Variants in FILIP1L observed in about 807,000 individuals in gnomAD.
The protein encoded by FILIP1L is filamin A interacting protein 1 like.
In FILIP1L, 55 loss-of-function variants were observed where a neutral mutation model predicts 96.6. The observed-to-expected ratio is 0.57, with a 90% CI of 0.46 to 0.71. FILIP1L has a LOEUF of 0.71. Ranked by LOEUF, FILIP1L falls within the 30% of genes least tolerant of loss-of-function variation. The probability of loss-of-function intolerance (pLI) is 0.00; values close to 1 mark genes in which losing one functional copy is unlikely to be tolerated. For synonymous variants in FILIP1L, 467 were observed against 473.9 expected, an observed-to-expected ratio of 0.99 and a Z score of 0.19; for missense variants, 1,304 against 1,321.2, an observed-to-expected ratio of 0.99 and a Z score of 0.20.
At chr3:99,974,566 G>T (rs13074023) in intron 1 of FILIP1L, among the ~76,000 whole-genome samples, 2 of 152,172 alleles carry the variant, frequency 1.3e-5, no homozygotes, top group African/African-American at 4.8e-5. Flanking sequence ...AAAATTAGCC[G>T]GGTGGTGGTG....
At chr3:100,031,368 AC>A (rs976767056) in intron 1 of FILIP1L, among the ~76,000 whole-genome samples, 38 of 152,056 alleles carry the variant, frequency 2.5e-4, no homozygotes, top group African/African-American at 9.2e-4. Context: ...AGTTCCTGTT[AC>A]CCTCGTTTCC....
chr3:99,896,117 A>C (rs1180160568), intron 4 of FILIP1L, among the ~76,000 whole-genome samples: 3 of 152,292 alleles, frequency 2.0e-5, no homozygotes, highest in East Asian at 3.9e-4. Context: ...AAAAAAAGGA[A>C]GTTAAGGGAA....
chr3:100,014,233 A>G (rs772374845), intron 1 of FILIP1L, among the ~76,000 whole-genome samples: 4 of 151,492 alleles, frequency 2.6e-5, no homozygotes, highest in Non-Finnish European at 4.4e-5. Flanking sequence ...TTCTTTATCC[A>G]TTCATCTGTC....
chr3:99,885,966 C>T (rs565958243), intron 4 of FILIP1L, among the ~76,000 whole-genome samples: 155 of 152,320 alleles, frequency 1.0e-3, no homozygotes, highest in Admixed American at 2.2e-3. Flanking sequence ...ACTCTTTGTG[C>T]ATGAGGATAT....
At chr3:99,835,992 T>C (rs1942881041) in intron 5 of FILIP1L, among the ~76,000 whole-genome samples, 1 of 152,016 alleles carries the variant, frequency 6.6e-6, no homozygotes, top group African/African-American at 2.4e-5. Flanking sequence ...GGTGAAGATG[T>C]GAGGGTATGT....
intron 1 of FILIP1L, among the ~76,000 whole-genome samples, chr3:100,014,419 C>T (rs1276851028): frequency 5.3e-5 from 8 of 151,918 alleles, no homozygotes; most frequent in Non-Finnish European, 1.2e-4. Context: ...AACCTGCAGA[C>T]TTATTTTCTG....
chr3:99,872,268 A>ACT (rs1199988502), intron 4 of FILIP1L, among the ~76,000 whole-genome samples: 1 of 50,300 alleles, frequency 2.0e-5, no homozygotes, highest in East Asian at 8.0e-4. Flanking sequence ...CTGTGCCAGG[A>ACT]CTGTGTGTGT....
intron 1 of FILIP1L, among the ~76,000 whole-genome samples, chr3:100,021,956 TGTGTGAGAGA>T (rs1412993793): frequency 4.1e-4 from 39 of 94,610 alleles, no homozygotes; most frequent in South Asian, 2.4e-3. Context: ...TGTGTGTGTG[TGTGTGAGAGA>T]GAGAGAGAGA....
chr3:100,033,334 C>T (rs779836589), intron 1 of FILIP1L, among the ~76,000 whole-genome samples: 1 of 152,172 alleles, frequency 6.6e-6, no homozygotes, highest in Admixed American at 6.5e-5. Flanking sequence ...TCACCTCTAT[C>T]GAGTGGCAGC....
At chr3:99,953,895 A>G (rs1161997597) in intron 1 of FILIP1L, among the ~76,000 whole-genome samples, 1 of 152,216 alleles carries the variant, frequency 6.6e-6, no homozygotes, top group African/African-American at 2.4e-5. Flanking sequence ...GCACCAAGGC[A>G]TACCTCCCAC....
chr3:99,955,983 C>T (rs1708309612), intron 1 of FILIP1L, among the ~76,000 whole-genome samples: 1 of 152,166 alleles, frequency 6.6e-6, no homozygotes, highest in Non-Finnish European at 1.5e-5. Flanking sequence ...CCGGACTTGA[C>T]CTTGGAGTCC....
At chr3:99,924,101 C>T (rs1707210784) in intron 4 of FILIP1L, 129 bp downstream of exon 4, 2 of 786,008 alleles carry the variant, frequency 2.5e-6, no homozygotes, top group East Asian at 2.4e-5. Context: ...TATCCTTTTC[C>T]TCACCCTGGA....
At chr3:99,905,933 T>C (rs549626914) in intron 4 of FILIP1L, among the ~76,000 whole-genome samples, 1 of 152,312 alleles carries the variant, frequency 6.6e-6, no homozygotes, top group South Asian at 2.1e-4. Flanking sequence ...TGGCTCATGC[T>C]TGTAGTCCCA....
chr3:99,964,894 C>A (rs1226353177), intron 1 of FILIP1L, among the ~76,000 whole-genome samples: 1 of 152,088 alleles, frequency 6.6e-6, no homozygotes, highest in East Asian at 1.9e-4. Context: ...GAACATCAGT[C>A]CCATAGTGCA....
chr3:99,991,459 T>C (rs1026814948), intron 1 of FILIP1L, among the ~76,000 whole-genome samples: 1 of 152,216 alleles, frequency 6.6e-6, no homozygotes, highest in Admixed American at 6.5e-5. Flanking sequence ...CTATCTTTTT[T>C]ATGTTTATAT....
At chr3:99,962,171 G>A (rs1033202638) in intron 1 of FILIP1L, among the ~76,000 whole-genome samples, 14 of 152,182 alleles carry the variant, frequency 9.2e-5, no homozygotes, top group South Asian at 2.1e-4. Flanking sequence ...GAGGGGATGC[G>A]TGGTGAGTTC....
chr3:100,039,377 C>T (rs941452245), intron 1 of FILIP1L, among the ~76,000 whole-genome samples: 8 of 152,080 alleles, frequency 5.3e-5, no homozygotes, highest in Non-Finnish European at 7.4e-5. Flanking sequence ...GAAATATAAT[C>T]TATGATTATA....
At chr3:99,960,892 T>C (rs1009872435) in intron 1 of FILIP1L, among the ~76,000 whole-genome samples, 1 of 152,238 alleles carries the variant, frequency 6.6e-6, no homozygotes, top group African/African-American at 2.4e-5. Context: ...ATGTACTCTG[T>C]GTGTTTGGCA....
At chr3:99,993,261 G>C (rs967928063) in intron 1 of FILIP1L, among the ~76,000 whole-genome samples, 3 of 151,842 alleles carry the variant, frequency 2.0e-5, no homozygotes, top group Admixed American at 1.3e-4. Context: ...TAATAATATT[G>C]ATTCTTCAAT....
Sources: gnomAD v4.1 joint callset for allele counts (sites outside exome capture counted in the v4.1 genomes callset) on GRCh38, gnomAD v4.1.1 for gene constraint, MANE v1.5 for transcripts, NCBI Gene and HGNC (gene_info 2026-07-23, HGNC 2026-07-21) for gene names.